BTLA: variants seen among roughly 807,000 people sequenced by gnomAD.
BTLA encodes the protein B and T lymphocyte associated.
Under a neutral mutation model 25.0 loss-of-function variants are expected in BTLA, and 11 were observed. That is an observed-to-expected ratio of 0.44 (90% CI 0.28 to 0.73). The LOEUF is 0.73. BTLA is among the 30% of genes least tolerant of loss of function. The pLI is 0.15. For synonymous variants in BTLA, 104 were observed against 119.8 expected (o/e 0.87, Z 0.86); for missense variants, 282 against 332.8 (o/e 0.85, Z 1.19).
At chr3:112,477,750 A>G (rs1340909167) in intron 2 of BTLA, among the ~76,000 whole-genome samples, 1 of 152,070 alleles carries the variant, frequency 6.6e-6, no homozygotes, top group Non-Finnish European at 1.5e-5. Flanking sequence ...TGCAGTTTTT[A>G]TAGTTTTAGC....
intron 1 of BTLA, among the ~76,000 whole-genome samples, chr3:112,483,842 CCTGTAATCCCAGCTA>C (rs2082331540): frequency 1.3e-5 from 2 of 152,006 alleles, no homozygotes; most frequent in Admixed American, 6.5e-5. Context: ...GTGGTGCGTG[CCTGTAATCCCAGCTA>C]CTCAAGAGGC....
At chr3:112,498,060 G>A (rs774791294) in intron 1 of BTLA, among the ~76,000 whole-genome samples, 4 of 152,100 alleles carry the variant, frequency 2.6e-5, no homozygotes, top group Non-Finnish European at 5.9e-5. Context: ...CAAGAAAAGA[G>A]AACTGAGTAG....
chr3:112,497,451 A>T (rs2082415413), intron 1 of BTLA, among the ~76,000 whole-genome samples: 1 of 152,240 alleles, frequency 6.6e-6, no homozygotes, highest in African/African-American at 2.4e-5. Flanking sequence ...GCTAGGTTGC[A>T]CATTGGGAGA....
chr3:112,474,936 G>A (rs568662899), intron 2 of BTLA, among the ~76,000 whole-genome samples: 4 of 152,158 alleles, frequency 2.6e-5, no homozygotes, highest in African/African-American at 9.7e-5. Flanking sequence ...ACAAAGATGA[G>A]CCCAATATTG....
At chr3:112,492,843 T>C (rs2082387345) in intron 1 of BTLA, among the ~76,000 whole-genome samples, 1 of 152,196 alleles carries the variant, frequency 6.6e-6, no homozygotes. Context: ...TGTGTGTGAG[T>C]TCCAGGTTGT....
chr3:112,488,671 T>G (rs1195546238), intron 1 of BTLA, among the ~76,000 whole-genome samples: 9 of 152,210 alleles, frequency 5.9e-5, no homozygotes, highest in Admixed American at 5.9e-4. Flanking sequence ...TGGAGTGCAG[T>G]GGCGCGATCT....
At chr3:112,494,674 T>C (rs949284180) in intron 1 of BTLA, among the ~76,000 whole-genome samples, 11 of 152,256 alleles carry the variant, frequency 7.2e-5, no homozygotes, top group Middle Eastern at 3.4e-3. Flanking sequence ...AAACACTGCA[T>C]GTTCTCACTC....
In BTLA at chr3:112,464,303, TTTTAAG is replaced by T. The variant is rs2082213143; in HGVS notation, c.*1799_*1804del. ...TTTAAATAAGACAGAAATATTTTGC[TTTTAAG>T]TTTGAGAGAATCATGAAGGAACTGT... On this transcript the variant is annotated 3_prime_UTR_variant, in exon 5 of 5. Transcript: ENST00000334529. 2 of 393,232 alleles carry T rather than the reference TTTTAAG, an allele frequency of 5.1e-6. No homozygotes were observed. The highest frequency in any genetic ancestry group is 9.0e-6 in the Non-Finnish European group (2 of 222,878). 24.4% of individuals were successfully genotyped at this position (393,232 alleles called of 1,614,324 possible).
chr3:112,479,594 A>G lies in BTLA; in HGVS notation c.264T>C (p.Ser88=). ...ATGAAATGTTCTTCTCTTCCTTCCA[A>G]CTTGTTTGTCTATCTTCAAGTTTTA... The part of the protein sequence containing the change: ...TCVKLEDRQT[S]WKEEKNISFF... Residue 88 remains serine (S), a synonymous_variant, in exon 2 of 5, where the codon AGT becomes AGC. Transcript: ENST00000334529. 3.1e-6 allele frequency: 5 copies of G among 1,614,050 alleles called. No individual in the cohort carries two copies. Among genetic ancestry groups the G allele is most frequent in the Non-Finnish European group, 4.2e-6 (5 of 1,179,972 alleles).
At chr3:112,478,111 T>C (rs1381675257) in intron 2 of BTLA, among the ~76,000 whole-genome samples, 1 of 151,988 alleles carries the variant, frequency 6.6e-6, no homozygotes, top group Non-Finnish European at 1.5e-5. Context: ...CTGGGTCTGT[T>C]GCAACTCAAT....
intron 2 of BTLA, among the ~76,000 whole-genome samples, chr3:112,472,352 G>GT (rs578087069): frequency 5.7e-4 from 86 of 151,742 alleles, no homozygotes; most frequent in African/African-American, 2.0e-3. Flanking sequence ...TGTTGTTGTT[G>GT]TTTTTTTTAA....
chr3:112,482,197 T>C (rs908164942), intron 1 of BTLA, among the ~76,000 whole-genome samples: 37 of 152,250 alleles, frequency 2.4e-4, no homozygotes, highest in African/African-American at 8.9e-4. Context: ...TTTCTTTCTA[T>C]GTTTTGAACT....
rs59614367 is a variant in BTLA at position 112,470,606 on chromosome 3, T to C, written c.547+606A>G. ...TTGGTCATGACATTGAGAGAGTTCT[T>C]GCAAAAGTAGAAAGGAATTATTTTC... On this transcript the variant is annotated intron_variant, in intron 3 of 4. Transcript: ENST00000334529. Among the ~76,000 whole-genome samples the C allele has an allele frequency of 8.6e-3, 1,311 of 152,338 alleles. 17 individuals are homozygous for C. The highest frequency in any genetic ancestry group is 0.03 in the African/African-American group (1,241 of 41,562).
chr3:112,466,076 T>C lies in BTLA; in HGVS notation c.*32A>G, dbSNP rs1295057838. ...GACAATGATGTCAACATGCTGATCATTCAATGGTCCCTGTTGGAGTCAGAA... is the reference window on the plus strand; with the variant it reads ...GACAATGATGTCAACATGCTGATCACTCAATGGTCCCTGTTGGAGTCAGAA... On this transcript the variant is annotated 3_prime_UTR_variant, in exon 5 of 5. Transcript: ENST00000334529. 1.3e-6 allele frequency: 2 copies of C among 1,529,986 alleles called. No homozygotes were observed. Among genetic ancestry groups the C allele is most frequent in the African/African-American group, 1.4e-5 (1 of 73,222 alleles). 94.8% of individuals were successfully genotyped at this position (1,529,986 alleles called of 1,614,324 possible). A position where few individuals can be genotyped will look rare whatever the true frequency, so the allele number is the denominator to read the frequency against.
At chr3:112,494,262 T>G (rs141168545) in intron 1 of BTLA, among the ~76,000 whole-genome samples, 1 of 152,160 alleles carries the variant, frequency 6.6e-6, no homozygotes, top group African/African-American at 2.4e-5. Context: ...AAACAATAGG[T>G]GCTGGCAAGT....
intron 1 of BTLA, among the ~76,000 whole-genome samples, chr3:112,493,559 G>T (rs2082391971): frequency 6.6e-6 from 1 of 152,166 alleles, no homozygotes; most frequent in African/African-American, 2.4e-5. Flanking sequence ...CAGCTGGAGT[G>T]CAGTGGTGCA....
chr3:112,479,305 C>T (rs1297133601), intron 2 of BTLA, 150 bp downstream of exon 2: 1 of 710,110 alleles, frequency 1.4e-6, no homozygotes. Context: ...CATATGTACA[C>T]ACTGGCACAT....
chr3:112,483,119 T>A (rs1450161181), intron 1 of BTLA, among the ~76,000 whole-genome samples: 1 of 150,542 alleles, frequency 6.6e-6, no homozygotes, highest in Non-Finnish European at 1.5e-5. Context: ...CCCAGGAGTA[T>A]CTAACAAAGA....
intron 1 of BTLA, among the ~76,000 whole-genome samples, chr3:112,485,438 AG>A (rs562978177): frequency 9.8e-5 from 15 of 152,356 alleles, no homozygotes; most frequent in Non-Finnish European, 2.1e-4. Context: ...TATGATACTT[AG>A]GACACACAAA....
Sources: gnomAD v4.1 joint callset for allele counts (sites outside exome capture counted in the v4.1 genomes callset) on GRCh38, gnomAD v4.1.1 for gene constraint, MANE v1.5 for transcripts, NCBI Gene and HGNC (gene_info 2026-07-23, HGNC 2026-07-21) for gene names.